Variants in HDAC9 observed in about 807,000 individuals in gnomAD.
HDAC9 encodes the protein MEF-2 interacting transcription repressor (MITR) protein.
A neutral mutation model predicts 139.4 loss-of-function variants in HDAC9; 41 were observed. That is an observed-to-expected ratio of 0.29 (90% CI 0.23 to 0.38). The LOEUF is 0.38. Ranked by LOEUF, HDAC9 falls within the 10% of genes least tolerant of loss-of-function variation. The pLI is 1.00. For synonymous variants in HDAC9, 517 were observed against 476.2 expected (o/e 1.09, Z -1.12); for missense variants, 1,147 against 1,297.0 (o/e 0.88, Z 1.78).
intron 1 of HDAC9, among the ~76,000 whole-genome samples, chr7:18,406,424 G>A (rs970116186): frequency 8.7e-5 from 13 of 149,732 alleles, no homozygotes; most frequent in Admixed American, 6.7e-4. Context: ...ATGGAGTCTC[G>A]CTCTGTCGCC....
At chr7:18,699,969 G>A (rs375050342) in intron 12 of HDAC9, among the ~76,000 whole-genome samples, 10 of 151,830 alleles carry the variant, frequency 6.6e-5, no homozygotes, top group South Asian at 6.2e-4. Context: ...ACATGTTAAC[G>A]TTGTTCTGTG....
chr7:18,512,712 G>A (rs1801922770), intron 2 of HDAC9, among the ~76,000 whole-genome samples: 1 of 152,136 alleles, frequency 6.6e-6, no homozygotes, highest in African/African-American at 2.4e-5. Context: ...ATAGTCTGCT[G>A]TAAATTTCTT....
Position 18,433,075 on chromosome 7 carries a change from C to T in HDAC9, c.-41-63187C>T, listed in dbSNP as rs185660296. On this transcript the variant is annotated intron_variant, in intron 1 of 3. Transcript: ENST00000413509. The stretch of plus-strand genomic sequence containing the variant: ...CCAAGTAGGCTTTATCCCTGGGATG[C>T]GAGGTTGCTTTAATATGCTCAAATC... 2.1e-3 allele frequency among the ~76,000 whole-genome samples: 315 copies of T among 152,094 alleles called. 2 individuals carry two copies. The highest frequency in any genetic ancestry group is 7.1e-3 in the African/African-American group (294 of 41,484).
intron 1 of HDAC9, among the ~76,000 whole-genome samples, chr7:18,155,011 T>A (rs764553509): frequency 3.9e-5 from 6 of 152,172 alleles, no homozygotes; most frequent in Non-Finnish European, 7.3e-5. Flanking sequence ...GACTATTACT[T>A]CCTTTTCACA....
At chr7:18,356,922 ATTAT>A (rs1437629511) in intron 1 of HDAC9, among the ~76,000 whole-genome samples, 1 of 152,124 alleles carries the variant, frequency 6.6e-6, no homozygotes, top group African/African-American at 2.4e-5. Context: ...TTTTCATTTA[ATTAT>A]TTATTATTAG....
chr7:18,605,005 T>G (rs1189393458), intron 6 of HDAC9, among the ~76,000 whole-genome samples: 1 of 152,198 alleles, frequency 6.6e-6, no homozygotes, highest in Non-Finnish European at 1.5e-5. Flanking sequence ...ACAATAGAAA[T>G]TGAGTAATTA....
At chr7:18,942,856 A>C (rs1410254256) in intron 23 of HDAC9, among the ~76,000 whole-genome samples, 1 of 152,048 alleles carries the variant, frequency 6.6e-6, no homozygotes, top group Non-Finnish European at 1.5e-5. Context: ...TTACCGGCAC[A>C]CCACTGCTAC....
chr7:18,835,656 C>T, intron 20 of HDAC9, 70 bp downstream of exon 20: 2 of 1,575,738 alleles, frequency 1.3e-6, no homozygotes, highest in Non-Finnish European at 1.7e-6. Flanking sequence ...ATGATTACCC[C>T]TAATTTTCTT....
chr7:18,799,329 T>C lies in HDAC9; in HGVS notation c.2322+5877T>C, dbSNP rs964984539. 3.3e-5 allele frequency among the ~76,000 whole-genome samples: 5 copies of C among 152,296 alleles called. No individual in the cohort carries two copies. The East Asian group carries it at 5.8e-4, about 18-fold the overall frequency. On this transcript the variant is annotated intron_variant, in intron 17 of 25. Coordinates refer to ENST00000686413, the MANE Select transcript of HDAC9 (RefSeq NM_178425.4). ...GAGAATATGACTTCTAGTTTTACCA[T>C]ACTGTTTTGTTTAAAATGTCCAGTT...
At chr7:18,147,892 G>A (rs1443044642) in intron 1 of HDAC9, among the ~76,000 whole-genome samples, 8 of 151,922 alleles carry the variant, frequency 5.3e-5, no homozygotes, top group Non-Finnish European at 7.4e-5. Flanking sequence ...TAAGTATTGA[G>A]GTGTATCCAT....
At chr7:18,506,563 T>A (rs1014671938) in intron 2 of HDAC9, among the ~76,000 whole-genome samples, 2 of 151,508 alleles carry the variant, frequency 1.3e-5, no homozygotes, top group Non-Finnish European at 2.9e-5. Flanking sequence ...CTATTCAATT[T>A]CTCAATTTTT....
intron 2 of HDAC9, among the ~76,000 whole-genome samples, chr7:18,170,468 T>C (rs1788342770): frequency 6.6e-6 from 1 of 152,248 alleles, no homozygotes; most frequent in African/African-American, 2.4e-5. Context: ...TTTGTCTATT[T>C]TGGCTTTTGT....
intron 2 of HDAC9, among the ~76,000 whole-genome samples, chr7:18,235,496 T>C (rs1312990588): frequency 6.6e-6 from 1 of 152,210 alleles, no homozygotes; most frequent in Non-Finnish European, 1.5e-5. Context: ...CCTAACTGCC[T>C]ATGAGTTTGA....
chr7:18,973,772 C>T (rs1265256151), intron 24 of HDAC9, among the ~76,000 whole-genome samples: 6 of 152,170 alleles, frequency 3.9e-5, no homozygotes, highest in Admixed American at 1.3e-4. Flanking sequence ...AGTGTCTTCT[C>T]GTTTCGATTC....
At chr7:18,504,772 A>G (rs1329156943) in intron 2 of HDAC9, among the ~76,000 whole-genome samples, 3 of 152,196 alleles carry the variant, frequency 2.0e-5, no homozygotes, top group African/African-American at 7.2e-5. Context: ...TTGCAGCAAT[A>G]TTGGTGTTTT....
At chr7:18,337,788 T>C (rs894171064) in intron 1 of HDAC9, among the ~76,000 whole-genome samples, 1 of 151,838 alleles carries the variant, frequency 6.6e-6, no homozygotes, top group Non-Finnish European at 1.5e-5. Context: ...GTGCATATTT[T>C]TAAAACCAGC....
intron 1 of HDAC9, among the ~76,000 whole-genome samples, chr7:18,390,069 C>T (rs1786324814): frequency 6.6e-6 from 1 of 151,198 alleles, no homozygotes; most frequent in African/African-American, 2.4e-5. Flanking sequence ...CACACACACA[C>T]ACACACACAC....
intron 22 of HDAC9, among the ~76,000 whole-genome samples, chr7:18,893,418 G>A (rs1340199022): frequency 6.6e-6 from 1 of 152,114 alleles, no homozygotes; most frequent in Non-Finnish European, 1.5e-5. Flanking sequence ...CAATTCACAG[G>A]TATACATCAG....
At chr7:18,580,753 T>C (rs1048904673) in intron 2 of HDAC9, among the ~76,000 whole-genome samples, 48 of 152,318 alleles carry the variant, frequency 3.2e-4, no homozygotes, top group Non-Finnish European at 6.2e-4. Context: ...ATTTATCCAC[T>C]GTTAAAAATG....
Sources: allele counts gnomAD v4.1 joint callset (sites outside exome capture counted in the v4.1 genomes callset), GRCh38; gene constraint gnomAD v4.1.1; transcripts MANE v1.5; gene names NCBI Gene and HGNC (gene_info 2026-07-23, HGNC 2026-07-21).